The following CUZD1 variants were observed in gnomAD, a reference collection of about 807,000 sequenced individuals.
CUZD1 encodes CUB and zona pellucida-like domain-containing protein 1.
In CUZD1, 42 loss-of-function variants were observed where a neutral mutation model predicts 53.1. That is an observed-to-expected ratio of 0.79 (90% CI 0.62 to 1.02). The LOEUF (loss-of-function observed/expected upper bound fraction) is 1.02. Ranked by LOEUF, CUZD1 falls within the 50% of genes least tolerant of loss-of-function variation. CUZD1 has a pLI of 0.00. For missense variants in CUZD1, 670 were observed against 715.7 expected (o/e 0.94, Z 0.73); for synonymous variants, 238 against 257.2 (o/e 0.93, Z 0.71).
At chr10:122,845,425 C>T (rs530233346) in intron 1 of CUZD1, among the ~76,000 whole-genome samples, 10 of 152,100 alleles carry the variant, frequency 6.6e-5, no homozygotes, top group East Asian at 5.8e-4. Context: ...ATGGATTTAC[C>T]GTAAGAAATA....
intron 4 of CUZD1, 76 bp from the exon 5 acceptor site, chr10:122,837,124 A>G: frequency 4.4e-6 from 5 of 1,147,156 alleles, no homozygotes; most frequent in Non-Finnish European, 6.1e-6. Context: ...CAACAATCCT[A>G]CTCTTAAGTG....
chr10:122,841,053 G>A (rs927147880), intron 2 of CUZD1, 125 bp downstream of exon 2: 5 of 870,080 alleles, frequency 5.7e-6, no homozygotes, highest in Admixed American at 2.5e-5. Context: ...TCATCATCAC[G>A]ATGGTTGTCA....
rs779742489 is a variant in CUZD1 at position 122,841,173 on chromosome 10, C to T, written c.233+5G>A. 9.3e-6 allele frequency: 15 copies of T among 1,610,400 alleles called. No individual in the cohort carries two copies. Among genetic ancestry groups the T allele is most frequent in the Non-Finnish European group, 1.2e-5 (14 of 1,178,360 alleles). On this transcript the variant is annotated splice_donor_5th_base_variant and intron_variant, in intron 2 of 8. Coordinates refer to ENST00000392790, the MANE Select transcript of CUZD1 (RefSeq NM_022034.6). Reference sequence around the variant, plus strand: ...CCTTATTAGGAAACTAAAGCTTCTACTTACTGGACATAGGAAAAGATAATT... The same window carrying T: ...CCTTATTAGGAAACTAAAGCTTCTATTTACTGGACATAGGAAAAGATAATT...
chr10:122,838,951 G>A, intron 3 of CUZD1, 66 bp downstream of exon 3: 1 of 1,234,304 alleles, frequency 8.1e-7, no homozygotes, highest in Non-Finnish European at 1.2e-6. Flanking sequence ...TAAGAACCCG[G>A]ACAGAAGAGT....
In CUZD1 at chr10:122,833,915, C is replaced by T. The variant is rs571026933; in HGVS notation, c.1408G>A (p.Val470Met). ...SGCSRDETCK[V>M]YPLFGHYGRF... is the part of the protein sequence containing the mutation. Reference sequence around the variant, plus strand: ...CCATAGTGTCCAAATAAGGGATACACCTTACAAGTTTCATCTCGACTACAT... The same window carrying T: ...CCATAGTGTCCAAATAAGGGATACATCTTACAAGTTTCATCTCGACTACAT... The change falls in exon 8 of 9, where the codon GTG (valine) becomes ATG (methionine). Residue 470 changes from valine (V) to methionine (M), a missense_variant. Coordinates refer to ENST00000392790, the MANE Select transcript of CUZD1 (RefSeq NM_022034.6). 8 of 1,613,216 alleles carry T rather than the reference C, an allele frequency of 5.0e-6. No homozygotes were observed. The highest frequency in any genetic ancestry group is 1.3e-5 in the African/African-American group (1 of 74,972).
intron 1 of CUZD1, among the ~76,000 whole-genome samples, chr10:122,843,810 CATAT>C (rs61634361): frequency 5.1e-5 from 7 of 137,354 alleles, no homozygotes; most frequent in Admixed American, 7.3e-5. Flanking sequence ...TATATACATA[CATAT>C]ATATATATAT....
In CUZD1 at chr10:122,833,755, T is replaced by C. The variant is rs779078507; in HGVS notation, c.1568A>G (p.Asp523Gly). 2 of 1,614,008 alleles carry C rather than the reference T, an allele frequency of 1.2e-6. No homozygotes were observed. Among genetic ancestry groups the C allele is most frequent in the Non-Finnish European group, 1.7e-6 (2 of 1,179,972 alleles). Residue 523 changes from aspartate (D) to glycine (G), a missense_variant, in exon 8 of 9, where the codon GAC becomes GGC. Physicochemically the swap from Asp to Gly is moderately conservative, Grantham distance 94. Transcript: ENST00000392790. ...NQGCVSRSKRDISSYKWKTDS... is the reference protein window; with the variant it reads ...NQGCVSRSKRGISSYKWKTDS... The stretch of plus-strand genomic sequence containing the variant: ...TGTTTTCCATTTATATGAAGAAATG[T>C]CTCGTTTGCTTCTGGAGACACAACC...
At chr10:122,834,006 G>T (rs1847203730) in intron 7 of CUZD1, 66 bp from the exon 8 acceptor site, 4 of 1,457,614 alleles carry the variant, frequency 2.7e-6, no homozygotes, top group South Asian at 1.3e-5. Flanking sequence ...ATACTAAAAA[G>T]TTTTCTCTCA....
intron 1 of CUZD1, among the ~76,000 whole-genome samples, chr10:122,845,076 CTT>C (rs34468840): frequency 0.016 from 2,307 of 141,904 alleles, 42 homozygotes; most frequent in African/African-American, 0.051. Flanking sequence ...AGATCAGAGT[CTT>C]TTTTTTTTTT....
chr10:122,836,057 TG>T, intron 6 of CUZD1, 120 bp downstream of exon 6: 1 of 791,162 alleles, frequency 1.3e-6, no homozygotes, highest in Non-Finnish European at 2.0e-6. Context: ...GCTTATCATG[TG>T]GTTAAGCCAC....
intron 6 of CUZD1, 120 bp downstream of exon 6, chr10:122,836,058 G>T: frequency 1.2e-6 from 1 of 824,560 alleles, no homozygotes; most frequent in Non-Finnish European, 1.9e-6. Flanking sequence ...CTTATCATGT[G>T]GTTAAGCCAC....
rs1397661809 is a variant in CUZD1, at chr10:122,836,331, A to G, written c.837T>C (p.Ser279=). 8 of 1,565,444 alleles carry G rather than the reference A, an allele frequency of 5.1e-6. No individual in the cohort carries two copies. Among genetic ancestry groups the G allele is most frequent in the Non-Finnish European group, 6.9e-6 (8 of 1,164,698 alleles). Residue 279 remains serine (S), a synonymous_variant, in exon 6 of 9, where the codon TCT becomes TCC. Transcript: ENST00000392790. ...NINTTSLTCS[S]DRMRVIISKS... is the part of the protein sequence containing the mutation. Reference sequence around the variant, plus strand: ...TGCTTATAATAACTCTCATCCTGTCAGAAGAGCAAGTTAAAGATGCTGTCA... The same window carrying G: ...TGCTTATAATAACTCTCATCCTGTCGGAAGAGCAAGTTAAAGATGCTGTCA...
chr10:122,833,426 C>T (rs891845753), intron 8 of CUZD1, among the ~76,000 whole-genome samples: 2 of 152,134 alleles, frequency 1.3e-5, no homozygotes, highest in East Asian at 1.9e-4. Context: ...GAGGACATTA[C>T]ACTTATACTC....
intron 1 of CUZD1, among the ~76,000 whole-genome samples, chr10:122,841,750 T>C (rs766455521): frequency 2.0e-5 from 3 of 152,236 alleles, no homozygotes; most frequent in Admixed American, 6.5e-5. Context: ...AGAGTTCCAG[T>C]TGCACCACAT....
intron 5 of CUZD1, 105 bp downstream of exon 5, chr10:122,836,726 A>G: frequency 1.2e-6 from 1 of 826,896 alleles, no homozygotes; most frequent in Non-Finnish European, 2.0e-6. Context: ...TACATGTGAC[A>G]TGCTTGCAAA....
At chr10:122,834,343 A>G (rs1402482298) in intron 7 of CUZD1, among the ~76,000 whole-genome samples, 1 of 152,232 alleles carries the variant, frequency 6.6e-6, no homozygotes, top group Non-Finnish European at 1.5e-5. Flanking sequence ...TGATGGCGTT[A>G]TATTTTAAAG....
intron 2 of CUZD1, 81 bp from the exon 3 acceptor site, chr10:122,839,312 A>C (rs1847300401): frequency 5.7e-6 from 7 of 1,219,970 alleles, no homozygotes; most frequent in Middle Eastern, 2.0e-4. Context: ...TCACCTAGGC[A>C]TGTAAATTTA....
chr10:122,845,367 C>T (rs1420729132), intron 1 of CUZD1, among the ~76,000 whole-genome samples: 1 of 152,064 alleles, frequency 6.6e-6, no homozygotes, highest in Admixed American at 6.5e-5. Context: ...GAGCCACCGC[C>T]CCCAGCCATC....
At chr10:122,837,984 G>T in intron 3 of CUZD1, 1 of 155,924 alleles carries the variant, frequency 6.4e-6, no homozygotes, top group Admixed American at 6.3e-5. Flanking sequence ...TCCAGCAGAG[G>T]TGAGTCCTCT....
Sources: allele counts gnomAD v4.1 joint callset (sites outside exome capture counted in the v4.1 genomes callset), GRCh38; gene constraint gnomAD v4.1.1; transcripts MANE v1.5; gene names NCBI Gene and HGNC (gene_info 2026-07-23, HGNC 2026-07-21).